GNG7: variants seen among roughly 807,000 people sequenced by gnomAD.
GNG7 encodes the protein guanine nucleotide-binding protein G(I)/G(S)/G(O) subunit gamma-7.
A neutral mutation model predicts 4.0 loss-of-function variants in GNG7; 1 was observed. The ratio of observed to expected loss-of-function variants is 0.25; its 90% CI spans 0.09 to 1.18. The LOEUF is 1.18. Ranked by LOEUF, GNG7 falls within the 50% of genes most tolerant of loss-of-function variation. The probability of loss-of-function intolerance (pLI) is 0.50; values close to 1 mark genes in which losing one functional copy is unlikely to be tolerated. For synonymous variants in GNG7, 34 were observed against 36.9 expected, an observed-to-expected ratio of 0.92 and a Z score of 0.29; for missense variants, 86 against 91.9, an observed-to-expected ratio of 0.94 and a Z score of 0.26.
chr19:2,656,509 G>A lies in GNG7; in HGVS notation c.-134-10229C>T, dbSNP rs1157495699. Among the ~76,000 whole-genome samples the A allele has an allele frequency of 5.3e-5, 8 of 152,244 alleles. No homozygotes were observed. The East Asian group carries it at 1.5e-3, about 29-fold the overall frequency. Reference sequence around the variant, plus strand: ...CCCAGCTACTCAGGAGGCTGAGGCAGGAGAAGCTTGAACCCAGGAGGCGGG... The same window carrying A: ...CCCAGCTACTCAGGAGGCTGAGGCAAGAGAAGCTTGAACCCAGGAGGCGGG... On this transcript the variant is annotated intron_variant, in intron 1 of 4. Coordinates refer to ENST00000382159, the MANE Select transcript of GNG7 (RefSeq NM_052847.3).
chr19:2,559,428 T>G (rs892829098), intron 2 of GNG7, among the ~76,000 whole-genome samples: 2 of 150,876 alleles, frequency 1.3e-5, no homozygotes, highest in East Asian at 3.9e-4. Flanking sequence ...CTCAGCTCAC[T>G]GCAGCCTCAG....
chr19:2,645,655 T>C (rs1404791133), intron 2 of GNG7, among the ~76,000 whole-genome samples: 2 of 152,306 alleles, frequency 1.3e-5, no homozygotes, highest in South Asian at 4.1e-4. Flanking sequence ...AAGTCTCTGG[T>C]GCACATTCAT....
chr19:2,564,933 G>A (rs1437875628), intron 2 of GNG7, among the ~76,000 whole-genome samples: 1 of 151,832 alleles, frequency 6.6e-6, no homozygotes, highest in African/African-American at 2.4e-5. Context: ...GCTCATGCCT[G>A]CAATCCCAGC....
At chr19:2,685,059 G>T (rs1983837850) in intron 1 of GNG7, among the ~76,000 whole-genome samples, 1 of 152,224 alleles carries the variant, frequency 6.6e-6, no homozygotes, top group African/African-American at 2.4e-5. Flanking sequence ...AGGAGGCAGA[G>T]GTTGCAGTGA....
chr19:2,609,213 A>T lies in GNG7; in HGVS notation c.-78+37011T>A, dbSNP rs1165770843. 6.6e-6 allele frequency among the ~76,000 whole-genome samples: 1 copy of T among 152,038 alleles called. No individual in the cohort carries two copies. On this transcript the variant is annotated intron_variant, in intron 2 of 4. Coordinates refer to ENST00000382159, the MANE Select transcript of GNG7 (RefSeq NM_052847.3). The surrounding 1 kb of genome is among the most constrained non-coding windows in gnomAD (Gnocchi z 4.4). ...GGCTAATTTTTAATTTTTCGTAGAG[A>T]TGGGGGTCTCACTATGTTGCCAAGG...
chr19:2,524,770 G>A (rs1286811199), intron 3 of GNG7, among the ~76,000 whole-genome samples: 1 of 152,102 alleles, frequency 6.6e-6, no homozygotes, highest in Non-Finnish European at 1.5e-5. Flanking sequence ...CACTGCATGT[G>A]CGTGTGCGCA....
chr19:2,603,289 T>A (rs1981271543), intron 2 of GNG7, among the ~76,000 whole-genome samples: 1 of 152,138 alleles, frequency 6.6e-6, no homozygotes, highest in African/African-American at 2.4e-5. Flanking sequence ...GTGATCTCGA[T>A]CTCCTGACCT....
intron 1 of GNG7, among the ~76,000 whole-genome samples, chr19:2,661,352 G>GAA (rs1176257294): frequency 6.6e-6 from 1 of 150,482 alleles, no homozygotes; most frequent in Non-Finnish European, 1.5e-5. Flanking sequence ...AAGAAAGAAA[G>GAA]AAAGAAAGAA....
At chr19:2,688,219 C>T (rs1439874113) in intron 1 of GNG7, among the ~76,000 whole-genome samples, 1 of 152,234 alleles carries the variant, frequency 6.6e-6, no homozygotes, top group Non-Finnish European at 1.5e-5. Flanking sequence ...CGCCACTGCA[C>T]TCCAGCCTGG....
chr19:2,615,524 G>A (rs894427661), intron 2 of GNG7, among the ~76,000 whole-genome samples: 3 of 138,104 alleles, frequency 2.2e-5, no homozygotes, highest in African/African-American at 8.2e-5. Flanking sequence ...GTGCAGTGGT[G>A]CAGTCACAGC....
intron 1 of GNG7, among the ~76,000 whole-genome samples, chr19:2,688,005 C>A (rs867030710): frequency 6.6e-6 from 1 of 152,078 alleles, no homozygotes; most frequent in Non-Finnish European, 1.5e-5. Context: ...GTAATCCCAG[C>A]ACTTTGGGAG....
In GNG7 at chr19:2,546,875, AC is replaced by A. The variant is rs1360774098; in HGVS notation, c.-38+8273del. On this transcript the variant is annotated intron_variant, in intron 3 of 4. Transcript: ENST00000382159. This position sits in a 1 kb window ranked among gnomAD's most constrained non-coding sequence, Gnocchi z 6.3. ...AACCGGGGCCGGGCCAGGACACTGAACCCCGTGGCTCCTGTCACTCCAGTTC... is the reference window on the plus strand; with the variant it reads ...AACCGGGGCCGGGCCAGGACACTGAACCCGTGGCTCCTGTCACTCCAGTTC... Among the ~76,000 whole-genome samples the A allele has an allele frequency of 6.6e-6, 1 of 151,878 alleles. No individual in the cohort carries two copies. Among genetic ancestry groups the A allele is most frequent in the African/African-American group, 2.4e-5 (1 of 41,298 alleles).
rs1171754024 is a variant in GNG7, at chr19:2,513,564, T to C, written c.*1458A>G. On this transcript the variant is annotated 3_prime_UTR_variant, in exon 5 of 5. Coordinates refer to ENST00000382159, the MANE Select transcript of GNG7 (RefSeq NM_052847.3). Reference sequence around the variant, plus strand: ...GATTTCCACTTGCCGCTGGGAGGAGTGGCCCATCCTGCGTCTAAGGCATCT... The same window carrying C: ...GATTTCCACTTGCCGCTGGGAGGAGCGGCCCATCCTGCGTCTAAGGCATCT... 42 of 984,840 alleles carry C rather than the reference T, an allele frequency of 4.3e-5. No homozygotes were observed. Among genetic ancestry groups the C allele is most frequent in the Non-Finnish European group, 4.9e-5 (41 of 829,876 alleles). The allele number at this position is 984,840 out of a possible 1,614,324, so 61.0% of individuals were successfully genotyped here. A position where few individuals can be genotyped will look rare whatever the true frequency, so the allele number is the denominator to read the frequency against.
chr19:2,597,679 G>C (rs971626727), intron 2 of GNG7, among the ~76,000 whole-genome samples: 1 of 150,520 alleles, frequency 6.6e-6, no homozygotes, highest in Admixed American at 6.6e-5. Flanking sequence ...GGTGGATCAC[G>C]AGGTCAGCAG....
rs1175526574 is a variant in GNG7, at chr19:2,542,107, C to CTTTTTT, written c.-38+13036_-38+13041dup. On this transcript the variant is annotated intron_variant, in intron 3 of 4. Transcript: ENST00000382159. ...CTCATGGGAGGCAGCGCTGTGTGTT[C>CTTTTTT]TTTTTTTTTTTTTTTTTTTTTTTTT... is the stretch of plus-strand genomic sequence containing the variant. 3.7e-3 allele frequency among the ~76,000 whole-genome samples: 237 copies of CTTTTTT among 64,566 alleles called. 15 individuals are homozygous for CTTTTTT. Among genetic ancestry groups the CTTTTTT allele is most frequent in the Non-Finnish European group, 4.5e-3 (163 of 36,166 alleles). The allele number at this position is 64,566 out of a possible 152,430, so 42.4% of individuals were successfully genotyped here. A position where few individuals can be genotyped will look rare whatever the true frequency, so the allele number is the denominator to read the frequency against.
chr19:2,693,415 C>CAAA (rs146155053), intron 1 of GNG7, among the ~76,000 whole-genome samples: 1 of 80,362 alleles, frequency 1.2e-5, no homozygotes, highest in Non-Finnish European at 2.5e-5. Context: ...GACTCTGCCT[C>CAAA]AAAAAAAAAA....
intron 2 of GNG7, among the ~76,000 whole-genome samples, chr19:2,574,050 C>A (rs1599399647): frequency 6.6e-6 from 1 of 152,132 alleles, no homozygotes; most frequent in South Asian, 2.1e-4. Context: ...GAGATGCTGC[C>A]TTCTCACCTT....
chr19:2,518,982 G>A (rs1001758757), intron 4 of GNG7, among the ~76,000 whole-genome samples: 1 of 151,628 alleles, frequency 6.6e-6, no homozygotes, highest in Admixed American at 6.6e-5. Context: ...AATTTTAGTA[G>A]AGATGGGGTT....
rs1385067836 is a variant in GNG7, at chr19:2,613,095, G to A, written c.-78+33129C>T. Among the ~76,000 whole-genome samples the A allele has an allele frequency of 3.3e-5, 5 of 152,222 alleles. No individual in the cohort carries two copies. In the East Asian group the frequency reaches 9.6e-4, roughly 29 times the overall value. ...CCTGCAGCCAGGTAGAACCAGCCAG[G>A]GAAAGGGATGGTGTTTAAGGGACGT... is the stretch of plus-strand genomic sequence containing the variant. On this transcript the variant is annotated intron_variant, in intron 2 of 4. Transcript: ENST00000382159.
Sources: gnomAD v4.1 joint callset for allele counts (sites outside exome capture counted in the v4.1 genomes callset) on GRCh38, gnomAD v4.1.1 for gene constraint, Gnocchi (gnomAD v3.1) non-coding constraint, MANE v1.5 for transcripts, NCBI Gene and HGNC (gene_info 2026-07-23, HGNC 2026-07-21) for gene names.